Variants in KCNQ3 observed in about 807,000 individuals in gnomAD.
The protein encoded by KCNQ3 is potassium voltage-gated channel subfamily KQT member 3.
Under a neutral mutation model 92.5 loss-of-function variants are expected in KCNQ3, and 30 were observed. The ratio of observed to expected loss-of-function variants is 0.32; its 90% CI spans 0.24 to 0.44. KCNQ3 has a LOEUF of 0.44. Among genes scored for constraint, KCNQ3 ranks in the 20% least tolerant of loss-of-function variants. The pLI is 1.00. For missense variants in KCNQ3, 913 were observed against 1,140.3 expected, an observed-to-expected ratio of 0.80 and a Z score of 2.87; for synonymous variants, 450 against 468.8, an observed-to-expected ratio of 0.96 and a Z score of 0.52.
intron 1 of KCNQ3, among the ~76,000 whole-genome samples, chr8:132,424,639 C>A (rs894841486): frequency 2.6e-5 from 4 of 152,188 alleles, no homozygotes; most frequent in Non-Finnish European, 5.9e-5. Context: ...TGGCTTCAAA[C>A]CACAGGAACT....
intron 1 of KCNQ3, chr8:132,277,852 G>A (rs1816387050): frequency 2.8e-6 from 2 of 717,748 alleles, no homozygotes; most frequent in East Asian, 2.7e-4. Context: ...TAGAAACCAG[G>A]TTGTTGGAAG....
chr8:132,211,705 C>A (rs990763177), intron 1 of KCNQ3, among the ~76,000 whole-genome samples: 24 of 152,098 alleles, frequency 1.6e-4, no homozygotes, highest in African/African-American at 5.8e-4. Flanking sequence ...GTAATCCCAG[C>A]ACTTTGGGAG....
At chr8:132,290,438 G>A (rs1244496410) in intron 1 of KCNQ3, among the ~76,000 whole-genome samples, 1 of 152,166 alleles carries the variant, frequency 6.6e-6, no homozygotes, top group African/African-American at 2.4e-5. Flanking sequence ...AGGGAAAAGG[G>A]TGAGACAAGA....
At chr8:132,415,640 G>A (rs1269397087) in intron 1 of KCNQ3, among the ~76,000 whole-genome samples, 1 of 152,136 alleles carries the variant, frequency 6.6e-6, no homozygotes, top group African/African-American at 2.4e-5. Flanking sequence ...CTCAAGAGCA[G>A]CCCCAGGCTC....
At chr8:132,170,221 G>A in intron 8 of KCNQ3, 113 bp downstream of exon 8, 1 of 798,018 alleles carries the variant, frequency 1.3e-6, no homozygotes, top group Non-Finnish European at 2.2e-6. Context: ...CCAAATTGGG[G>A]AACATTGCCC....
At chr8:132,252,849 G>C (rs1815461348) in intron 1 of KCNQ3, among the ~76,000 whole-genome samples, 1 of 152,128 alleles carries the variant, frequency 6.6e-6, no homozygotes, top group African/African-American at 2.4e-5. Flanking sequence ...AGACCAGCTG[G>C]CTTCACCTCT....
At chr8:132,289,557 G>A (rs190235959) in intron 1 of KCNQ3, among the ~76,000 whole-genome samples, 1 of 152,126 alleles carries the variant, frequency 6.6e-6, no homozygotes, top group East Asian at 1.9e-4. Context: ...ATTCCTCAAT[G>A]TCTCTCACCT....
Position 132,129,851 on chromosome 8 carries a change from T to A in KCNQ3, c.2030A>T (p.Tyr677Phe). 1 of 1,614,178 alleles carries A rather than the reference T, an allele frequency of 6.2e-7. No individual in the cohort carries two copies. Among genetic ancestry groups the A allele is most frequent in the Non-Finnish European group, 8.5e-7 (1 of 1,180,026 alleles). Residue 677 changes from tyrosine (Y) to phenylalanine (F), a missense_variant, in exon 15 of 15, where the codon TAT becomes TTT. This residue lies in a region of KCNQ3 where 375 missense variants were observed against 376.4 expected (regional missense o/e 1.00). Transcript: ENST00000388996. This position sits in a 1 kb window ranked among gnomAD's most constrained non-coding sequence, Gnocchi z 5.9. ...AEAEKKEDNR[Y>F]SDLKTIICNY... ...GCAGATGATGGTTTTCAAATCGGAA[T>A]ACCTGTTGTCCTCCTTCTTCTCTGC...
intron 4 of KCNQ3, among the ~76,000 whole-genome samples, chr8:132,178,187 A>G (rs932992433): frequency 6.6e-6 from 1 of 152,230 alleles, no homozygotes; most frequent in Admixed American, 6.5e-5. Flanking sequence ...ACTCAGCTCC[A>G]TGGATACAGG....
At chr8:132,402,932 C>T (rs1004858318) in intron 1 of KCNQ3, among the ~76,000 whole-genome samples, 1 of 144,414 alleles carries the variant, frequency 6.9e-6, no homozygotes, top group East Asian at 2.1e-4. Context: ...GCAGGGGAAT[C>T]GCTTGAACCC....
At chr8:132,191,872 G>A (rs1827172728) in intron 1 of KCNQ3, among the ~76,000 whole-genome samples, 1 of 152,008 alleles carries the variant, frequency 6.6e-6, no homozygotes, top group Non-Finnish European at 1.5e-5. Context: ...AGCACTGGGA[G>A]GGGTCTTGGG....
At chr8:132,207,049 A>AT (rs373619256) in intron 1 of KCNQ3, among the ~76,000 whole-genome samples, 24 of 152,336 alleles carry the variant, frequency 1.6e-4, no homozygotes, top group African/African-American at 5.5e-4. Context: ...ATGTATAGCC[A>AT]TTGTCTTACT....
At chr8:132,255,981 C>CAAAA (rs1815571863) in intron 1 of KCNQ3, among the ~76,000 whole-genome samples, 1 of 151,246 alleles carries the variant, frequency 6.6e-6, no homozygotes, top group East Asian at 1.9e-4. Flanking sequence ...AGAAAATAAA[C>CAAAA]AAACCAAAAA....
intron 1 of KCNQ3, among the ~76,000 whole-genome samples, chr8:132,388,030 G>T (rs1819940566): frequency 9.3e-6 from 1 of 107,292 alleles, no homozygotes; most frequent in Non-Finnish European, 1.9e-5. Flanking sequence ...GGAAGAAGAA[G>T]AAGAGGAAGA....
intron 1 of KCNQ3, among the ~76,000 whole-genome samples, chr8:132,456,287 G>A (rs2130854194): frequency 6.6e-6 from 1 of 152,322 alleles, no homozygotes; most frequent in Non-Finnish European, 1.5e-5. Flanking sequence ...GCAGCCTGGG[G>A]AGGGGTCCGA....
chr8:132,366,724 A>G (rs2130731758), intron 1 of KCNQ3, among the ~76,000 whole-genome samples: 1 of 152,314 alleles, frequency 6.6e-6, no homozygotes, highest in South Asian at 2.1e-4. Context: ...CAAGATGATC[A>G]TATGCTTGTT....
intron 9 of KCNQ3, among the ~76,000 whole-genome samples, chr8:132,162,612 C>T (rs1483273942): frequency 6.6e-6 from 1 of 152,154 alleles, no homozygotes; most frequent in Non-Finnish European, 1.5e-5. Flanking sequence ...CCCTTACAGT[C>T]CTAAGTGGGT....
At chr8:132,217,655 G>A (rs1814081158) in intron 1 of KCNQ3, among the ~76,000 whole-genome samples, 1 of 147,072 alleles carries the variant, frequency 6.8e-6, no homozygotes, top group Non-Finnish European at 1.5e-5. Context: ...AGCTTGCAGT[G>A]AGCCAAGATT....
intron 9 of KCNQ3, among the ~76,000 whole-genome samples, chr8:132,145,823 C>T (rs1160013512): frequency 6.6e-6 from 1 of 152,186 alleles, no homozygotes; most frequent in East Asian, 1.9e-4. Context: ...AAACCAGTTT[C>T]AGTAATCAAG....
Sources: allele counts gnomAD v4.1 joint callset (sites outside exome capture counted in the v4.1 genomes callset), GRCh38; gene constraint gnomAD v4.1.1; regional missense constraint gnomAD v4.1.1; non-coding constraint Gnocchi (gnomAD v3.1); transcripts MANE v1.5; gene names NCBI Gene and HGNC (gene_info 2026-07-23, HGNC 2026-07-21).